The following ETFA variants were observed in gnomAD, a reference collection of about 807,000 sequenced individuals.
ETFA encodes the protein electron transfer flavoprotein subunit alpha, mitochondrial.
In ETFA, 22 loss-of-function variants were observed where a neutral mutation model predicts 46.2. The ratio of observed to expected loss-of-function variants is 0.48; its 90% CI spans 0.34 to 0.68. The LOEUF is 0.68. Ranked by LOEUF, ETFA falls within the 30% of genes least tolerant of loss-of-function variation. ETFA has a pLI of 0.01. For synonymous variants in ETFA, 131 were observed against 139.9 expected, an observed-to-expected ratio of 0.94 and a Z score of 0.45; for missense variants, 345 against 401.1, an observed-to-expected ratio of 0.86 and a Z score of 1.19.
chr15:76,301,511 G>A (rs1396450805), intron 1 of ETFA, among the ~76,000 whole-genome samples: 2 of 152,176 alleles, frequency 1.3e-5, no homozygotes, highest in Non-Finnish European at 2.9e-5. Context: ...AGGAGTTCGA[G>A]ACCAGCCTGG....
chr15:76,280,941 A>T (rs1200021136), intron 8 of ETFA, among the ~76,000 whole-genome samples: 3 of 117,608 alleles, frequency 2.6e-5, no homozygotes, highest in African/African-American at 9.9e-5. Flanking sequence ...TTTTTTTCAG[A>T]CAGTGTCTCT....
chr15:76,297,277 T>G (rs995324685), intron 1 of ETFA, among the ~76,000 whole-genome samples: 11 of 152,198 alleles, frequency 7.2e-5, no homozygotes, highest in African/African-American at 2.7e-4. Context: ...TGTTTTCCAA[T>G]GTACATCTGC....
At chr15:76,254,089 C>T (rs998330292) in intron 9 of ETFA, among the ~76,000 whole-genome samples, 3 of 152,230 alleles carry the variant, frequency 2.0e-5, no homozygotes, top group African/African-American at 4.8e-5. Context: ...TCTCCATTTC[C>T]TCCCTTGGGG....
chr15:76,244,344 C>A (rs186810599), intron 9 of ETFA, among the ~76,000 whole-genome samples: 72 of 152,274 alleles, frequency 4.7e-4, no homozygotes, highest in African/African-American at 1.7e-3. Context: ...TACTATACAA[C>A]CTAAGATCCT....
intron 9 of ETFA, among the ~76,000 whole-genome samples, chr15:76,250,088 T>C (rs2039282672): frequency 6.6e-6 from 1 of 151,898 alleles, no homozygotes. Flanking sequence ...ACTACTTAAA[T>C]AAACAACCAT....
At chr15:76,304,424 A>G (rs1596228695) in intron 1 of ETFA, among the ~76,000 whole-genome samples, 1 of 152,188 alleles carries the variant, frequency 6.6e-6, no homozygotes. Flanking sequence ...CTGCACAGAT[A>G]CCCTGCAAAC....
chr15:76,305,399 C>T (rs1160859154), intron 1 of ETFA, among the ~76,000 whole-genome samples: 1 of 152,200 alleles, frequency 6.6e-6, no homozygotes. Flanking sequence ...TAAAAAGCAA[C>T]TGTTTCCTCA....
At chr15:76,285,592 A>G in intron 7 of ETFA, 45 bp downstream of exon 7, 1 of 1,062,678 alleles carries the variant, frequency 9.4e-7, no homozygotes. Flanking sequence ...AAAAAAAATC[A>G]AAGTATTTTC....
intron 9 of ETFA, chr15:76,261,108 A>G (rs1567207017): frequency 2.0e-6 from 3 of 1,518,774 alleles, no homozygotes; most frequent in African/African-American, 2.8e-5. Context: ...ACAGGAAAAC[A>G]TGGGTGCTCT....
chr15:76,291,942 AAC>A (rs2039768624), intron 4 of ETFA, among the ~76,000 whole-genome samples: 1 of 152,042 alleles, frequency 6.6e-6, no homozygotes, highest in Non-Finnish European at 1.5e-5. Context: ...TCCATCTTAT[AAC>A]ACACTCATTC....
At chr15:76,281,872 G>T (rs1424843575) in intron 8 of ETFA, among the ~76,000 whole-genome samples, 1 of 149,742 alleles carries the variant, frequency 6.7e-6, no homozygotes, top group Non-Finnish European at 1.5e-5. Flanking sequence ...TATCTACATG[G>T]GCCCTAAATG....
At chr15:76,262,987 G>T (rs1286028438) in intron 9 of ETFA, among the ~76,000 whole-genome samples, 1 of 152,124 alleles carries the variant, frequency 6.6e-6, no homozygotes, top group Non-Finnish European at 1.5e-5. Context: ...GCCCCGGTAG[G>T]CACCAGTGGC....
At chr15:76,262,891 A>T (rs553483783) in intron 9 of ETFA, among the ~76,000 whole-genome samples, 39 of 152,298 alleles carry the variant, frequency 2.6e-4, no homozygotes, top group African/African-American at 9.4e-4. Context: ...ATTAGAAACA[A>T]TGAAGACCAG....
At chr15:76,272,314 G>A (rs955763334) in intron 9 of ETFA, among the ~76,000 whole-genome samples, 6 of 150,082 alleles carry the variant, frequency 4.0e-5, no homozygotes, top group Non-Finnish European at 5.9e-5. Context: ...TCCGCCTCCT[G>A]GGTTCAAACA....
intron 9 of ETFA, among the ~76,000 whole-genome samples, chr15:76,268,431 T>C (rs912002221): frequency 3.3e-5 from 5 of 152,144 alleles, no homozygotes; most frequent in Admixed American, 2.0e-4. Flanking sequence ...ACCAGAGTCA[T>C]GCTGACATCA....
chr15:76,223,638 T>G (rs1224021151), intron 11 of ETFA, among the ~76,000 whole-genome samples: 1 of 152,252 alleles, frequency 6.6e-6, no homozygotes, highest in Non-Finnish European at 1.5e-5. Context: ...CAATGTGGGC[T>G]TCCTAAAATA....
intron 9 of ETFA, among the ~76,000 whole-genome samples, chr15:76,271,592 G>C (rs1596211080): frequency 6.6e-6 from 1 of 152,224 alleles, no homozygotes; most frequent in East Asian, 1.9e-4. Context: ...TTGCTATAAA[G>C]GACATTTTTG....
chr15:76,303,888 G>A (rs546128943), intron 1 of ETFA, among the ~76,000 whole-genome samples: 8 of 152,306 alleles, frequency 5.3e-5, no homozygotes, highest in African/African-American at 1.2e-4. Flanking sequence ...GCAATGTGGC[G>A]ATTTCTCAAA....
chr15:76,234,540 G>C (rs2039102834), intron 9 of ETFA, among the ~76,000 whole-genome samples: 1 of 152,172 alleles, frequency 6.6e-6, no homozygotes, highest in African/African-American at 2.4e-5. Context: ...AGGGAGTACA[G>C]CAATTAAGGG....
Sources: allele counts gnomAD v4.1 joint callset (sites outside exome capture counted in the v4.1 genomes callset), GRCh38; gene constraint gnomAD v4.1.1; transcripts MANE v1.5; gene names NCBI Gene and HGNC (gene_info 2026-07-23, HGNC 2026-07-21).